CYP4A11: variants seen among roughly 807,000 people sequenced by gnomAD.
The protein encoded by CYP4A11 is cytochrome P450 4A11.
A neutral mutation model predicts 57.7 loss-of-function variants in CYP4A11; 52 were observed. The ratio of observed to expected loss-of-function variants is 0.90; its 90% confidence interval spans 0.72 to 1.14. The LOEUF (loss-of-function observed/expected upper bound fraction) is 1.14, where lower values mean the gene tolerates loss of function less well. Ranked by LOEUF, CYP4A11 falls within the 50% of genes most tolerant of loss-of-function variation. CYP4A11 has a pLI of 0.00. For missense variants in CYP4A11, 641 were observed against 642.1 expected (o/e 1.00, Z 0.02); for synonymous variants, 228 against 247.1 (o/e 0.92, Z 0.72).
intron 11 of CYP4A11, chr1:46,931,514 T>C (rs534540143): frequency 1.1e-5 from 9 of 828,082 alleles, no homozygotes; most frequent in Non-Finnish European, 1.3e-5. Flanking sequence ...GCTTAAGAAA[T>C]ACTTCTATAT....
chr1:46,935,758 A>G, intron 4 of CYP4A11, 111 bp from the exon 5 acceptor site: 1 of 1,523,700 alleles, frequency 6.6e-7, no homozygotes, highest in Non-Finnish European at 8.8e-7. Context: ...TAGCATGCAG[A>G]TATCTTGGTT....
rs370538155 is a variant in CYP4A11, at chr1:46,941,253, C to A, written c.181G>T (p.Gly61Trp). ...TTCCTCCCTACCTCCTGGATGTGCCCGAAGAGCCAGTGGGAGGGAGGGCAC... is the reference window on the plus strand; with the variant it reads ...TTCCTCCCTACCTCCTGGATGTGCCAGAAGAGCCAGTGGGAGGGAGGGCAC... ...FPCPPSHWLF[G>W]HIQELQQDQE... The change falls in exon 1 of 12, where the codon GGG becomes TGG. Residue 61 changes from glycine (G) to tryptophan (W), a missense_variant. Coordinates refer to ENST00000310638, the MANE Select transcript of CYP4A11 (RefSeq NM_000778.4). The A allele has an allele frequency of 4.3e-6, 7 of 1,613,078 alleles. No individual in the cohort carries two copies. The Admixed American group carries it at 1.2e-4, about 27-fold the overall frequency.
chr1:46,933,864 G>C (rs1388482250), intron 9 of CYP4A11, 82 bp downstream of exon 9: 1 of 1,567,876 alleles, frequency 6.4e-7, no homozygotes, highest in African/African-American at 1.4e-5. Context: ...GAGATGTGCA[G>C]AATTCTGATG....
rs1196985453 is a variant in CYP4A11, at chr1:46,936,920, T to C, written c.383-129A>G. The C allele has an allele frequency of 2.6e-5, 37 of 1,435,710 alleles. No individual in the cohort carries two copies. The Middle Eastern group carries it at 5.5e-4, about 21-fold the overall frequency. 88.9% of individuals were successfully genotyped at this position (1,435,710 alleles called of 1,614,324 possible). ...AGGTGGCTTCTCAAGGGGAGAACTA[T>C]CCAGAAGAAGCCACGTCATGGGCAA... On this transcript the variant is annotated intron_variant, in intron 3 of 11. Transcript: ENST00000310638.
chr1:46,933,782 C>T, intron 9 of CYP4A11, 164 bp downstream of exon 9: 1 of 1,253,740 alleles, frequency 8.0e-7, no homozygotes, highest in South Asian at 1.6e-5. Context: ...AAGCTCTCAG[C>T]CAGACTTTTC....
intron 1 of CYP4A11, among the ~76,000 whole-genome samples, chr1:46,939,775 A>G (rs867510202): frequency 5.5e-5 from 8 of 146,668 alleles, no homozygotes; most frequent in Admixed American, 1.3e-4. Flanking sequence ...GGTAGCAAGC[A>G]TAGTGTGATC....
rs1681527976 is a variant in CYP4A11 at position 46,938,100 on chromosome 1, C to G, written c.233G>C (p.Trp78Ser). 6.2e-7 allele frequency: 1 copy of G among 1,614,128 alleles called. No individual in the cohort carries two copies. Among genetic ancestry groups the G allele is most frequent in the African/African-American group, 1.3e-5 (1 of 74,930 alleles). Residue 78 changes from tryptophan (W) to serine (S), a missense_variant, in exon 2 of 12, where the codon TGG becomes TCG. Trp to Ser is a radical substitution (Grantham distance 177). Transcript: ENST00000310638. Reference protein sequence around the residue: ...QDQELQRIQKWVETFPSACPH... With the variant: ...QDQELQRIQKSVETFPSACPH... ...ACAGGCACTTGGGAATGTCTCCACC[C>G]ATTTCTGAATCCGTTGTAGCTCCTG...
intron 11 of CYP4A11, chr1:46,932,366 G>T (rs544800014): frequency 1.7e-4 from 192 of 1,103,048 alleles, no homozygotes; most frequent in Admixed American, 8.5e-4. Context: ...GAGGATGTGT[G>T]GGGGGAGAGA....
At chr1:46,940,912 T>C in intron 1 of CYP4A11, 3 of 985,286 alleles carry the variant, frequency 3.0e-6, no homozygotes, top group Non-Finnish European at 3.6e-6. Flanking sequence ...TCTAGAAGCC[T>C]TGTTCTTTGA....
rs150667037 is a variant in CYP4A11, at chr1:46,932,987, G to A, written c.1283C>T (p.Pro428Leu). The A allele has an allele frequency of 2.5e-5, 40 of 1,614,074 alleles. No homozygotes were observed. Among genetic ancestry groups the A allele is most frequent in the Admixed American group, 1.2e-4 (7 of 59,994 alleles). ...CTCCTCTCAAGGACCACATACCTCT[G>A]GGTTGGGCCACACTTTTGGGTTGTG... ...LHHNPKVWPN[P>L]EVFDPFRFAP... The change falls in exon 10 of 12, where the codon CCA (proline) becomes CTA (leucine). Residue 428 changes from proline to leucine, a missense_variant. Transcript: ENST00000310638.
intron 1 of CYP4A11, chr1:46,940,880 T>C (rs539657685): frequency 2.0e-6 from 2 of 985,326 alleles, no homozygotes; most frequent in East Asian, 1.1e-4. Flanking sequence ...AGTGATGGCA[T>C]TGAGTGACTG....
intron 11 of CYP4A11, chr1:46,932,312 A>G (rs540872005): frequency 9.7e-7 from 1 of 1,034,086 alleles, no homozygotes; most frequent in South Asian, 3.7e-5. Context: ...ATTCATCTCT[A>G]CGACAGACTA....
chr1:46,940,404 T>A (rs1339519199), intron 1 of CYP4A11, among the ~76,000 whole-genome samples: 1 of 152,230 alleles, frequency 6.6e-6, no homozygotes, highest in South Asian at 2.1e-4. Flanking sequence ...AAGCTTGCTC[T>A]ACACACCTGA....
rs778007925 is a variant in CYP4A11 at position 46,933,979 on chromosome 1, C to T, written c.1189G>A (p.Val397Ile). ...AAGGAGCGCCCATCAGGGAAGGTGA[C>T]GGGAGTGCTGAGCTCTCTGCCAATG... The part of the protein sequence containing the change: ...PGIGRELSTP[V>I]TFPDGRSLPK... The change falls in exon 9 of 12, where the codon GTC (valine) becomes ATC (isoleucine). Residue 397 changes from valine (V) to isoleucine (I), a missense_variant. Coordinates refer to ENST00000310638, the MANE Select transcript of CYP4A11 (RefSeq NM_000778.4). 3.7e-5 allele frequency: 60 copies of T among 1,613,938 alleles called. 1 individual carries two copies. The highest frequency in any genetic ancestry group is 3.3e-4 in the Middle Eastern group (2 of 6,084).
At chr1:46,937,667 G>A (rs1681497263) in intron 2 of CYP4A11, among the ~76,000 whole-genome samples, 1 of 152,164 alleles carries the variant, frequency 6.6e-6, no homozygotes, top group Admixed American at 6.5e-5. Context: ...GACCAAGACA[G>A]GCAACAATTA....
intron 9 of CYP4A11, 42 bp from the exon 10 acceptor site, chr1:46,933,089 C>CA (rs762724095): frequency 1.2e-6 from 2 of 1,612,274 alleles, no homozygotes. Context: ...CAATCATTTG[C>CA]ATGGGGTGGC....
Position 46,936,716 on chromosome 1 carries a change from T to G in CYP4A11, c.458A>C (p.Asp153Ala). The G allele has an allele frequency of 6.2e-7, 1 of 1,613,932 alleles. No homozygotes were observed. The highest frequency in any genetic ancestry group is 8.5e-7 in the Non-Finnish European group (1 of 1,179,936). ...RRMLTPAFHY[D>A]ILKPYVGLMA... Reference sequence around the variant, plus strand: ...GAGCCCCACATAGGGCTTCAGGATGTCATAGTGGAAGGCTGGGGTCAGCAT... The same window carrying G: ...GAGCCCCACATAGGGCTTCAGGATGGCATAGTGGAAGGCTGGGGTCAGCAT... The change falls in exon 4 of 12, where the codon GAC becomes GCC. Residue 153 changes from aspartate to alanine, a missense_variant. Physicochemically the swap from Asp to Ala is moderately radical, Grantham distance 126 (BLOSUM62 -2). Coordinates refer to ENST00000310638, the MANE Select transcript of CYP4A11 (RefSeq NM_000778.4).
Position 46,930,062 on chromosome 1 carries a change from C to G in CYP4A11, c.*53G>C. 1 of 1,556,864 alleles carries G rather than the reference C, an allele frequency of 6.4e-7. No homozygotes were observed. The highest frequency in any genetic ancestry group is 8.7e-7 in the Non-Finnish European group (1 of 1,149,356). ...AGACAGAAAACAGGATATGGGCAGA[C>G]AGGAAGGGGACAGAAGCGGGGGTCA... On this transcript the variant is annotated 3_prime_UTR_variant, in exon 12 of 12. Coordinates refer to ENST00000310638, the MANE Select transcript of CYP4A11 (RefSeq NM_000778.4).
At position 46,929,382 on chromosome 1, in the gene CYP4A11, G is replaced by C. The variant is rs1680874148; in HGVS notation, c.*733C>G. 6.6e-6 allele frequency: 1 copy of C among 152,092 alleles called. No homozygotes were observed. Among genetic ancestry groups the C allele is most frequent in the Admixed American group, 6.5e-5 (1 of 15,272 alleles). The allele number at this position is 152,092 out of a possible 1,614,324, so 9.4% of individuals were successfully genotyped here. ...CGTGGGGGTGACAAAGTCCGGCAGA[G>C]TCAAAGCAGTGAGAAAAGACAGTTT... On this transcript the variant is annotated 3_prime_UTR_variant, in exon 12 of 12. Transcript: ENST00000310638.
Sources: allele counts gnomAD v4.1 joint callset (sites outside exome capture counted in the v4.1 genomes callset), GRCh38; gene constraint gnomAD v4.1.1; transcripts MANE v1.5; gene names NCBI Gene and HGNC (gene_info 2026-07-23, HGNC 2026-07-21).